PITPNC1: variants seen among roughly 807,000 people sequenced by gnomAD.
The protein encoded by PITPNC1 is cytoplasmic phosphatidylinositol transfer protein 1.
PITPNC1 carries 18 observed loss-of-function variants against 44.7 expected under a neutral mutation model. That is an observed-to-expected ratio of 0.40 (90% CI 0.28 to 0.60). The LOEUF (loss-of-function observed/expected upper bound fraction) is 0.60, where lower values mean the gene tolerates loss of function less well. Ranked by LOEUF, PITPNC1 falls within the 20% of genes least tolerant of loss-of-function variation. PITPNC1 has a pLI of 0.39. For missense variants in PITPNC1, 290 were observed against 418.4 expected, an observed-to-expected ratio of 0.69 and a Z score of 2.68; for synonymous variants, 141 against 149.6, an observed-to-expected ratio of 0.94 and a Z score of 0.42.
Position 67,425,206 on chromosome 17 carries a change from CACACACACACA to C in PITPNC1, c.48+47005_48+47015del, listed in dbSNP as rs1567984774. On this transcript the variant is annotated intron_variant, in intron 1 of 8. Coordinates refer to ENST00000581322, the MANE Select transcript of PITPNC1 (RefSeq NM_012417.4). ...TGTTGTGCGCGCGCACGCACACGCA[CACACACACACA>C]CACACACACACACACACACACACAC... 9.4e-4 allele frequency among the ~76,000 whole-genome samples: 24 copies of C among 25,478 alleles called. 1 individual carries two copies. Among genetic ancestry groups the C allele is most frequent in the African/African-American group, 7.2e-3 (23 of 3,186 alleles). The allele number at this position is 25,478 out of a possible 152,430, so 16.7% of individuals were successfully genotyped here.
chr17:67,598,925 C>G lies in PITPNC1; in HGVS notation c.366+20668C>G, dbSNP rs2041495029. Among the ~76,000 whole-genome samples the G allele has an allele frequency of 2.1e-5, 3 of 146,182 alleles. No individual in the cohort carries two copies. The Admixed American group carries it at 2.1e-4, about 10-fold the overall frequency. ...ACAGAAAGAAGGTGCTATCTATGATCCAGGAAGTGGGTCCTCACCTGATGC... is the reference window on the plus strand; with the variant it reads ...ACAGAAAGAAGGTGCTATCTATGATGCAGGAAGTGGGTCCTCACCTGATGC... On this transcript the variant is annotated intron_variant, in intron 5 of 8. Transcript: ENST00000581322.
At chr17:67,640,685 GA>G (rs71139165) in intron 6 of PITPNC1, among the ~76,000 whole-genome samples, 14,766 of 100,390 alleles carry the variant, frequency 0.15, 1,028 homozygotes, top group African/African-American at 0.25. Flanking sequence ...TGTTGAAAAA[GA>G]AAAAAAAAAA....
intron 5 of PITPNC1, among the ~76,000 whole-genome samples, chr17:67,587,706 T>A (rs1216622913): frequency 6.6e-6 from 1 of 152,204 alleles, no homozygotes; most frequent in Non-Finnish European, 1.5e-5. Context: ...AAGACTAATT[T>A]TCAATCACTG....
intron 1 of PITPNC1, among the ~76,000 whole-genome samples, chr17:67,464,841 G>A (rs2039400443): frequency 6.6e-6 from 1 of 151,960 alleles, no homozygotes; most frequent in Non-Finnish European, 1.5e-5. Flanking sequence ...TCGGGTCCAA[G>A]CAATTCTCCT....
intron 1 of PITPNC1, among the ~76,000 whole-genome samples, chr17:67,422,931 G>C (rs1053650251): frequency 6.6e-6 from 1 of 152,084 alleles, no homozygotes; most frequent in Non-Finnish European, 1.5e-5. Context: ...TGTTAGTTCA[G>C]CTCTAACAGA....
chr17:67,615,409 A>G (rs925715602), intron 5 of PITPNC1, among the ~76,000 whole-genome samples: 11 of 152,148 alleles, frequency 7.2e-5, no homozygotes, highest in African/African-American at 2.7e-4. Context: ...CTTGGTGAAC[A>G]AGAGGAGGAA....
chr17:67,683,789 C>T (rs1417681806), intron 8 of PITPNC1, among the ~76,000 whole-genome samples: 1 of 151,256 alleles, frequency 6.6e-6, no homozygotes, highest in African/African-American at 2.4e-5. Context: ...ACCAGCCTGA[C>T]CAACATGGTG....
intron 4 of PITPNC1, among the ~76,000 whole-genome samples, chr17:67,571,771 T>A (rs1385349797): frequency 6.6e-6 from 1 of 152,250 alleles, no homozygotes; most frequent in African/African-American, 2.4e-5. Context: ...GAATCTCTGC[T>A]TTTTCTAAAG....
chr17:67,507,604 G>A (rs114861095), intron 1 of PITPNC1, among the ~76,000 whole-genome samples: 2,632 of 145,416 alleles, frequency 0.018, 65 homozygotes, highest in African/African-American at 0.064. Flanking sequence ...GGAATCACCT[G>A]AACCAGGAGA....
intron 1 of PITPNC1, among the ~76,000 whole-genome samples, chr17:67,413,889 C>G (rs1000875046): frequency 6.6e-6 from 1 of 152,112 alleles, no homozygotes; most frequent in Non-Finnish European, 1.5e-5. Context: ...AATTGGGAAT[C>G]CCCACTCCAG....
At chr17:67,420,361 CTCCTTCCT>C (rs1166917710) in intron 1 of PITPNC1, among the ~76,000 whole-genome samples, 3 of 40,376 alleles carry the variant, frequency 7.4e-5, no homozygotes, top group African/African-American at 2.2e-4. Context: ...CTTTCTCTCT[CTCCTTCCT>C]TCCTTCCTCC....
intron 7 of PITPNC1, among the ~76,000 whole-genome samples, chr17:67,672,362 G>A (rs1232535613): frequency 3.3e-5 from 5 of 151,944 alleles, no homozygotes; most frequent in African/African-American, 1.2e-4. Context: ...TTGAGAGGCC[G>A]AGGCAGGCAG....
rs888432683 is a variant in PITPNC1, at chr17:67,530,636, TAAC to T, written c.49-2161_49-2159del. 8.5e-5 allele frequency among the ~76,000 whole-genome samples: 13 copies of T among 152,314 alleles called. No homozygotes were observed. The South Asian group carries it at 2.1e-3, about 24-fold the overall frequency. ...TTTTGCGGGGACACAATTCAACCTTTAACAACATTAGGCAGTATCAGTACTTTG... is the reference window on the plus strand; with the variant it reads ...TTTTGCGGGGACACAATTCAACCTTTAACATTAGGCAGTATCAGTACTTTG... On this transcript the variant is annotated intron_variant, in intron 1 of 8. Transcript: ENST00000581322.
At chr17:67,654,093 C>T (rs1299057996) in intron 6 of PITPNC1, among the ~76,000 whole-genome samples, 5 of 152,158 alleles carry the variant, frequency 3.3e-5, no homozygotes, top group Admixed American at 2.6e-4. Context: ...TCTCTGCTTT[C>T]GTCCACTTGG....
chr17:67,444,179 C>T (rs920708400), intron 1 of PITPNC1, among the ~76,000 whole-genome samples: 21 of 152,124 alleles, frequency 1.4e-4, no homozygotes, highest in African/African-American at 4.8e-4. Flanking sequence ...GAAGCAAATC[C>T]TAGACCTTAC....
chr17:67,647,728 G>A (rs76909507), intron 6 of PITPNC1, among the ~76,000 whole-genome samples: 8,533 of 152,098 alleles, frequency 0.056, 337 homozygotes, highest in Non-Finnish European at 0.083. Flanking sequence ...TAGTCTTAGA[G>A]TTAAATAACT....
At chr17:67,689,187 A>AG (rs1382495549) in intron 8 of PITPNC1, among the ~76,000 whole-genome samples, 1 of 152,080 alleles carries the variant, frequency 6.6e-6, no homozygotes, top group Non-Finnish European at 1.5e-5. Context: ...GGGCAACAAG[A>AG]GTGCAACTCC....
At chr17:67,405,832 C>G (rs1041487509) in intron 1 of PITPNC1, among the ~76,000 whole-genome samples, 3 of 152,096 alleles carry the variant, frequency 2.0e-5, no homozygotes, top group Non-Finnish European at 4.4e-5. Flanking sequence ...GTCTTGAACT[C>G]CTGAGCTCAG....
chr17:67,394,625 C>A (rs1425317222), intron 1 of PITPNC1, among the ~76,000 whole-genome samples: 1 of 152,066 alleles, frequency 6.6e-6, no homozygotes, highest in Non-Finnish European at 1.5e-5. Context: ...CAGTTAAGGC[C>A]GGGCACGGTG....
Sources: allele counts gnomAD v4.1 joint callset (sites outside exome capture counted in the v4.1 genomes callset), GRCh38; gene constraint gnomAD v4.1.1; transcripts MANE v1.5; gene names NCBI Gene and HGNC (gene_info 2026-07-23, HGNC 2026-07-21).